The following EML6 variants were observed in gnomAD, a reference collection of about 807,000 sequenced individuals.
EML6 encodes the protein EMAP like 6.
EML6 carries 154 observed loss-of-function variants against 240.1 expected under a neutral mutation model. The ratio of observed to expected loss-of-function variants is 0.64; its 90% CI spans 0.56 to 0.73. The LOEUF is 0.73. EML6 is among the 30% of genes least tolerant of loss of function. The pLI is 0.00. For synonymous variants in EML6, 1,148 were observed against 899.0 expected, an observed-to-expected ratio of 1.28 and a Z score of -4.95; for missense variants, 2,964 against 2,474.6, an observed-to-expected ratio of 1.20 and a Z score of -4.20.
intron 2 of EML6, among the ~76,000 whole-genome samples, chr2:54,769,410 G>A (rs1483798914): frequency 6.6e-6 from 1 of 152,114 alleles, no homozygotes; most frequent in Non-Finnish European, 1.5e-5. Context: ...GAATGGATGG[G>A]TATGTTTAAG....
At chr2:54,849,314 T>G (rs901772384) in intron 9 of EML6, among the ~76,000 whole-genome samples, 23 of 152,228 alleles carry the variant, frequency 1.5e-4, no homozygotes, top group African/African-American at 5.5e-4. Flanking sequence ...TCTGATAGAT[T>G]ATTATAACCT....
At chr2:54,859,415 A>T in intron 11 of EML6, 119 bp from the exon 12 acceptor site, 1 of 755,586 alleles carries the variant, frequency 1.3e-6, no homozygotes, top group Middle Eastern at 3.3e-4. Context: ...GTAAGACGGA[A>T]CATCGTTTTC....
intron 2 of EML6, among the ~76,000 whole-genome samples, chr2:54,805,225 G>C (rs1457836778): frequency 6.6e-6 from 1 of 152,102 alleles, no homozygotes; most frequent in Non-Finnish European, 1.5e-5. Flanking sequence ...TTGTACGTGT[G>C]ACCTATTTCC....
chr2:54,848,136 A>C (rs1669869819), intron 9 of EML6, among the ~76,000 whole-genome samples: 1 of 152,214 alleles, frequency 6.6e-6, no homozygotes, highest in Admixed American at 6.5e-5. Context: ...GGTGAGCTTT[A>C]GTAAAAGATT....
intron 2 of EML6, among the ~76,000 whole-genome samples, chr2:54,786,062 G>A (rs1234708365): frequency 6.6e-6 from 1 of 152,094 alleles, no homozygotes; most frequent in Non-Finnish European, 1.5e-5. Context: ...CACCCAGGGT[G>A]TTGGGGTAAA....
At chr2:54,783,950 T>C (rs1398571103) in intron 2 of EML6, among the ~76,000 whole-genome samples, 1 of 152,202 alleles carries the variant, frequency 6.6e-6, no homozygotes, top group Non-Finnish European at 1.5e-5. Context: ...TTTATTGAAC[T>C]GTTTCAATTT....
At chr2:54,948,755 C>A in intron 28 of EML6, 127 bp from the exon 29 acceptor site, 1 of 694,548 alleles carries the variant, frequency 1.4e-6, no homozygotes, top group Non-Finnish European at 2.5e-6. Flanking sequence ...TGAACAGATC[C>A]AAGTGGAGGG....
Position 54,914,443 on chromosome 2 carries a change from T to C in EML6, c.3499-2316T>C, listed in dbSNP as rs551445543. ...TAAAATGAAATGTAATTTAACCAAATGGTAGAGGAGGATGAGGCTGGCTTG... is the reference window on the plus strand; with the variant it reads ...TAAAATGAAATGTAATTTAACCAAACGGTAGAGGAGGATGAGGCTGGCTTG... On this transcript the variant is annotated intron_variant, in intron 25 of 41. Coordinates refer to ENST00000356458, the MANE Select transcript of EML6 (RefSeq NM_001039753.4). Among the ~76,000 whole-genome samples the C allele has an allele frequency of 5.3e-4, 80 of 152,274 alleles. 1 individual carries two copies. Among genetic ancestry groups the C allele is most frequent in the African/African-American group, 1.6e-3 (68 of 41,544 alleles).
At chr2:54,734,523 G>T (rs761221603) in intron 2 of EML6, among the ~76,000 whole-genome samples, 18 of 152,274 alleles carry the variant, frequency 1.2e-4, no homozygotes, top group Non-Finnish European at 2.4e-4. Context: ...ATCCCCTGCT[G>T]GTCTGGTGTC....
At chr2:54,882,695 A>C (rs1229290196) in intron 17 of EML6, 1 of 151,524 alleles carries the variant, frequency 6.6e-6, no homozygotes, top group Non-Finnish European at 1.5e-5. Flanking sequence ...CGTCTCTACT[A>C]AAAATACAAA....
chr2:54,939,303 G>A (rs899344113), intron 28 of EML6, among the ~76,000 whole-genome samples: 2 of 152,250 alleles, frequency 1.3e-5, no homozygotes, highest in Non-Finnish European at 2.9e-5. Context: ...GTGGTCTGAA[G>A]TGGAGAAGCC....
Position 54,868,861 on chromosome 2 carries a change from G to A in EML6, c.2052-320G>A, listed in dbSNP as rs566250259. The A allele has an allele frequency of 9.6e-5, 24 of 250,592 alleles. No individual in the cohort carries two copies. In the Admixed American group the frequency reaches 1.0e-3, roughly 11 times the overall value. The allele number at this position is 250,592 out of a possible 1,614,324, so 15.5% of individuals were successfully genotyped here. A position where few individuals can be genotyped will look rare whatever the true frequency, so the allele number is the denominator to read the frequency against. ...TGCAGTGGGCGGAAGGCATTTATGA[G>A]AGGGGAGATGGGAAAGGAATACCTG... is the stretch of plus-strand genomic sequence containing the variant. On this transcript the variant is annotated intron_variant, in intron 14 of 41. Transcript: ENST00000356458.
chr2:54,952,754 T>A, intron 31 of EML6, 62 bp downstream of exon 31: 1 of 1,145,448 alleles, frequency 8.7e-7, no homozygotes, highest in Non-Finnish European at 1.3e-6. Flanking sequence ...CTGTCAGCAA[T>A]TATTGGGAGA....
At chr2:54,963,926 C>A in intron 36 of EML6, 60 bp from the exon 37 acceptor site, 1 of 1,476,698 alleles carries the variant, frequency 6.8e-7, no homozygotes, top group Non-Finnish European at 9.0e-7. Context: ...TGCAGAATGT[C>A]TCCTGGAGAC....
At chr2:54,797,183 AAAAAAAC>A (rs966044820) in intron 2 of EML6, among the ~76,000 whole-genome samples, 3 of 149,200 alleles carry the variant, frequency 2.0e-5, no homozygotes, top group African/African-American at 7.4e-5. Context: ...AAAAAAAAAA[AAAAAAAC>A]TGTGATCTTG....
rs1046683107 is a variant in EML6 at position 54,900,470 on chromosome 2, C to T, written c.3124+688C>T. Among the ~76,000 whole-genome samples, 3 of 152,174 alleles carry T rather than the reference C, an allele frequency of 2.0e-5. No individual in the cohort carries two copies. The East Asian group carries it at 5.8e-4, about 29-fold the overall frequency. On this transcript the variant is annotated intron_variant, in intron 22 of 41. Transcript: ENST00000356458. ...TGACCAGGGATAGTGCAGCACTATG[C>T]AGCTAGTAATGGCGGCTGCTCTCAC...
At chr2:54,745,859 A>G (rs1237859919) in intron 2 of EML6, among the ~76,000 whole-genome samples, 2 of 152,186 alleles carry the variant, frequency 1.3e-5, no homozygotes, top group Non-Finnish European at 2.9e-5. Flanking sequence ...AGAAGCATGA[A>G]GGGGCCTGAG....
intron 2 of EML6, among the ~76,000 whole-genome samples, chr2:54,799,349 C>T (rs773803030): frequency 5.9e-5 from 9 of 151,820 alleles, no homozygotes; most frequent in Admixed American, 5.9e-4. Flanking sequence ...GCATGAGCCA[C>T]CACGCCCAGC....
Position 54,725,173 on chromosome 2 carries a change from T to C in EML6, c.112T>C (p.Tyr38His), listed in dbSNP as rs1472856904. Residue 38 changes from tyrosine to histidine, a missense_variant, in exon 2 of 42, where the codon TAC becomes CAC. Transcript: ENST00000356458. The surrounding 1 kb of genome is among the most constrained non-coding windows in gnomAD (Gnocchi z 4.3). ...CTACACGGCAGGCAAGGAGGTGGTC[T>C]ACTTTGTGGCTGGGGTCGGGGTGGT... Reference protein sequence around the residue: ...LYYTAGKEVVYFVAGVGVVYN... With the variant: ...LYYTAGKEVVHFVAGVGVVYN... The C allele has an allele frequency of 4.6e-6, 7 of 1,531,852 alleles. No homozygotes were observed. Among genetic ancestry groups the C allele is most frequent in the East Asian group, 2.7e-5 (1 of 37,562 alleles). 94.9% of individuals were successfully genotyped at this position (1,531,852 alleles called of 1,614,324 possible). A position where few individuals can be genotyped will look rare whatever the true frequency, so the allele number is the denominator to read the frequency against.
Sources: allele counts gnomAD v4.1 joint callset (sites outside exome capture counted in the v4.1 genomes callset), GRCh38; gene constraint gnomAD v4.1.1; non-coding constraint Gnocchi (gnomAD v3.1); transcripts MANE v1.5; gene names NCBI Gene and HGNC (gene_info 2026-07-23, HGNC 2026-07-21).